The following CINP variants were observed in gnomAD, a reference collection of about 807,000 sequenced individuals.
CINP encodes the protein cyclin dependent kinase 2 interacting protein.
In CINP, 11 loss-of-function variants were observed where a neutral mutation model predicts 20.5. The observed-to-expected ratio is 0.54, with a 90% CI of 0.34 to 0.89. CINP has a LOEUF of 0.89. CINP is among the 40% of genes least tolerant of loss of function. The pLI, the probability that CINP is intolerant of heterozygous loss-of-function variation, is 0.02. For synonymous variants in CINP, 108 were observed against 102.1 expected, an observed-to-expected ratio of 1.06 and a Z score of -0.35; for missense variants, 213 against 251.0, an observed-to-expected ratio of 0.85 and a Z score of 1.02.
intron 3 of CINP, 99 bp from the exon 4 acceptor site, chr14:102,350,147 T>C (rs1886835638): frequency 1.7e-6 from 2 of 1,160,004 alleles, no homozygotes; most frequent in East Asian, 4.9e-5. Flanking sequence ...GTAAGTCTAT[T>C]ATGATAAAAA....
chr14:102,350,187 G>A (rs35699748), intron 3 of CINP, 139 bp from the exon 4 acceptor site: 26,364 of 688,594 alleles, frequency 0.038, 593 homozygotes, highest in South Asian at 0.048. Flanking sequence ...TTAACTCTAC[G>A]TACAGCAAAT....
intron 3 of CINP, among the ~76,000 whole-genome samples, chr14:102,353,280 T>G (rs971676113): frequency 6.6e-6 from 1 of 152,142 alleles, no homozygotes; most frequent in South Asian, 2.1e-4. Flanking sequence ...CATAGTGACT[T>G]CCTGCCAAAG....
chr14:102,361,648 A>AAAC (rs1035406128), intron 1 of CINP, among the ~76,000 whole-genome samples: 11 of 150,442 alleles, frequency 7.3e-5, no homozygotes, highest in Admixed American at 3.3e-4. Context: ...CTCAAAAACA[A>AAAC]AACAAAACAA....
At chr14:102,349,074 G>A (rs968098160) in intron 4 of CINP, among the ~76,000 whole-genome samples, 6 of 152,134 alleles carry the variant, frequency 3.9e-5, no homozygotes, top group African/African-American at 9.7e-5. Context: ...CCATCGTGGC[G>A]AAAACCTGTC....
intron 1 of CINP, 168 bp downstream of exon 1, chr14:102,362,677 C>T: frequency 1.2e-6 from 1 of 853,212 alleles, no homozygotes; most frequent in Non-Finnish European, 2.0e-6. Flanking sequence ...GTCTCCCGAG[C>T]AGCTCGCAGA....
At chr14:102,361,823 A>C (rs535219439) in intron 1 of CINP, among the ~76,000 whole-genome samples, 25 of 152,320 alleles carry the variant, frequency 1.6e-4, no homozygotes, top group Admixed American at 7.8e-4. Flanking sequence ...AGGGCAGTGA[A>C]ATTATCTGAT....
At position 102,349,938 on chromosome 14, in the gene CINP, C is replaced by T. The variant is rs558376167; in HGVS notation, c.417G>A (p.Thr139=). The T allele has an allele frequency of 9.3e-6, 15 of 1,613,614 alleles. No homozygotes were observed. Among genetic ancestry groups the T allele is most frequent in the African/African-American group, 5.3e-5 (4 of 74,884 alleles). The change falls in exon 4 of 5, where the codon ACG becomes ACA. Residue 139 remains threonine (T), a synonymous_variant. Transcript: ENST00000216756. The stretch of plus-strand genomic sequence containing the variant: ...ACTTACAGAAATGGGTTGTAGGCCA[C>T]GTGTGGAACAGAGGGGGTCGTTTAC... ...EESKRPPLFH[T]WPTTHFYEVS... is the part of the protein sequence containing the mutation.
At chr14:102,358,101 C>G (rs1443318596) in intron 2 of CINP, among the ~76,000 whole-genome samples, 1 of 152,150 alleles carries the variant, frequency 6.6e-6, no homozygotes, top group Non-Finnish European at 1.5e-5. Context: ...GAAGTGGGGT[C>G]TGAAGATGGA....
At chr14:102,359,219 A>T (rs1490123014) in intron 2 of CINP, among the ~76,000 whole-genome samples, 200 bp downstream of exon 2, 23 of 72,254 alleles carry the variant, frequency 3.2e-4, no homozygotes, top group African/African-American at 9.9e-4. Flanking sequence ...TAAATAAATA[A>T]ATAACTAAAT....
At chr14:102,359,728 TC>T in intron 1 of CINP, 141 bp from the exon 2 acceptor site, 1 of 528,942 alleles carries the variant, frequency 1.9e-6, no homozygotes, top group Non-Finnish European at 3.2e-6. Context: ...AACTACAAAG[TC>T]TGAATGAATG....
At chr14:102,352,503 C>G (rs113174781) in intron 3 of CINP, 4 of 455,964 alleles carry the variant, frequency 8.8e-6, no homozygotes, top group South Asian at 6.2e-5. Flanking sequence ...GTGCATGAAA[C>G]CCCCAGAAGG....
At chr14:102,353,254 C>T (rs1194001155) in intron 3 of CINP, among the ~76,000 whole-genome samples, 1 of 152,142 alleles carries the variant, frequency 6.6e-6, no homozygotes. Context: ...GTCCCTACCC[C>T]CAGGTGTGGG....
intron 1 of CINP, among the ~76,000 whole-genome samples, chr14:102,361,277 G>A (rs1443090929): frequency 6.6e-6 from 1 of 152,112 alleles, no homozygotes; most frequent in African/African-American, 2.4e-5. Flanking sequence ...CCAGTGTGCT[G>A]GAATGAAATA....
Position 102,359,411 on chromosome 14 carries a change from G to T in CINP, c.176+8C>A. ...AACTTAGAGCATGAAAAACCAATAT[G>T]TACTTACAATAAACTGATTTTCAAG... On this transcript the variant is annotated splice_region_variant and intron_variant, in intron 2 of 4. Coordinates refer to ENST00000216756, the MANE Select transcript of CINP (RefSeq NM_032630.3). 2 of 1,580,838 alleles carry T rather than the reference G, an allele frequency of 1.3e-6. No homozygotes were observed. The highest frequency in any genetic ancestry group is 8.6e-7 in the Non-Finnish European group (1 of 1,160,706).
chr14:102,360,182 G>A (rs746730443), intron 1 of CINP, among the ~76,000 whole-genome samples: 10 of 151,864 alleles, frequency 6.6e-5, no homozygotes, highest in East Asian at 1.9e-4. Context: ...TTGGCCCCCC[G>A]TCAATATCCA....
At chr14:102,355,722 G>T (rs756686481) in intron 3 of CINP, 46 bp downstream of exon 3, 1 of 1,606,388 alleles carries the variant, frequency 6.2e-7, no homozygotes, top group Non-Finnish European at 8.5e-7. Context: ...ACGTCCATCG[G>T]ATTCAGTGAC....
chr14:102,360,338 G>A (rs1330021007), intron 1 of CINP, among the ~76,000 whole-genome samples: 1 of 151,870 alleles, frequency 6.6e-6, no homozygotes, highest in Non-Finnish European at 1.5e-5. Context: ...CCTGTAGGAA[G>A]CAACCCCCAG....
intron 3 of CINP, among the ~76,000 whole-genome samples, chr14:102,350,805 TCTC>T (rs1203930975): frequency 1.4e-3 from 190 of 138,858 alleles, no homozygotes; most frequent in East Asian, 9.3e-3. Context: ...TCTCTCTCTC[TCTC>T]TTTTTTTTTT....
At chr14:102,355,979 T>C in intron 2 of CINP, 82 bp from the exon 3 acceptor site, 1 of 1,410,200 alleles carries the variant, frequency 7.1e-7, no homozygotes, top group Non-Finnish European at 9.7e-7. Flanking sequence ...TACAAACCTC[T>C]ATATCCACAT....
Sources: gnomAD v4.1 joint callset for allele counts (sites outside exome capture counted in the v4.1 genomes callset) on GRCh38, gnomAD v4.1.1 for gene constraint, MANE v1.5 for transcripts, NCBI Gene and HGNC (gene_info 2026-07-23, HGNC 2026-07-21) for gene names.